The following OPCML variants were observed in gnomAD, a reference collection of about 807,000 sequenced individuals.
The protein encoded by OPCML is opioid binding protein/cell adhesion molecule like.
A neutral mutation model predicts 37.8 loss-of-function variants in OPCML; 13 were observed. That is an observed-to-expected ratio of 0.34 (90% CI 0.22 to 0.55). The LOEUF (loss-of-function observed/expected upper bound fraction) is 0.55, where lower values mean the gene tolerates loss of function less well. Ranked by LOEUF, OPCML falls within the 20% of genes least tolerant of loss-of-function variation. The probability of loss-of-function intolerance (pLI) is 0.91; values close to 1 mark genes in which losing one functional copy is unlikely to be tolerated. For synonymous variants in OPCML, 176 were observed against 168.8 expected, an observed-to-expected ratio of 1.04 and a Z score of -0.33; for missense variants, 341 against 435.6, an observed-to-expected ratio of 0.78 and a Z score of 1.93.
intron 1 of OPCML, among the ~76,000 whole-genome samples, chr11:133,356,243 C>T (rs1226024389): frequency 1.3e-5 from 2 of 152,112 alleles, no homozygotes; most frequent in South Asian, 4.2e-4. Flanking sequence ...CTTTAAAGTG[C>T]CCAGGTTGGA....
chr11:133,440,659 A>G (rs1229318951), intron 1 of OPCML, among the ~76,000 whole-genome samples: 10 of 149,986 alleles, frequency 6.7e-5, no homozygotes, highest in Non-Finnish European at 1.0e-4. Flanking sequence ...CCCAGGAGGC[A>G]GAGGTTGCAA....
intron 4 of OPCML, among the ~76,000 whole-genome samples, chr11:132,459,160 C>G (rs1025863801): frequency 6.6e-6 from 1 of 152,102 alleles, no homozygotes; most frequent in Non-Finnish European, 1.5e-5. Flanking sequence ...CAGGCTGGAA[C>G]AGGAACCCGC....
At chr11:132,799,176 T>C (rs890404238) in intron 2 of OPCML, among the ~76,000 whole-genome samples, 5 of 152,202 alleles carry the variant, frequency 3.3e-5, no homozygotes, top group African/African-American at 1.2e-4. Flanking sequence ...AAGTCCTACA[T>C]GGCATCTTCT....
At chr11:132,641,747 G>T (rs1186444546) in intron 3 of OPCML, among the ~76,000 whole-genome samples, 1 of 152,130 alleles carries the variant, frequency 6.6e-6, no homozygotes, top group African/African-American at 2.4e-5. Flanking sequence ...TTTTTTAAAG[G>T]AACTTTGATT....
rs988216174 is a variant in OPCML at position 133,056,118 on chromosome 11, T to C, written c.62-113108A>G. Among the ~76,000 whole-genome samples, 6 of 152,302 alleles carry C rather than the reference T, an allele frequency of 3.9e-5. No homozygotes were observed. In the East Asian group the frequency reaches 5.8e-4, roughly 15 times the overall value. ...ACTCAAAAGGCCCAGTTATCATGGA[T>C]TGGGAGGAAGGGAAGCAAAACAAAC... On this transcript the variant is annotated intron_variant, in intron 1 of 7. Transcript: ENST00000524381.
intron 1 of OPCML, among the ~76,000 whole-genome samples, chr11:133,443,916 C>G (rs1946416883): frequency 1.3e-5 from 2 of 152,060 alleles, no homozygotes; most frequent in Non-Finnish European, 2.9e-5. Flanking sequence ...CAAGACCAAT[C>G]TGGGCAACAT....
chr11:133,483,674 TGATAGATAGATAGATAGATA>T (rs141632251), intron 1 of OPCML, among the ~76,000 whole-genome samples: 1,946 of 146,102 alleles, frequency 0.013, 16 homozygotes, highest in South Asian at 0.037. Flanking sequence ...GATAAATAGA[TGATAGATAGATAGATAGATA>T]GATAGATAGA....
chr11:132,446,312 G>A (rs2096055018), intron 4 of OPCML, among the ~76,000 whole-genome samples: 5 of 144,360 alleles, frequency 3.5e-5, no homozygotes, highest in Admixed American at 3.4e-4. Context: ...AGGAAGAGAG[G>A]AGCTAGACAG....
intron 3 of OPCML, among the ~76,000 whole-genome samples, chr11:132,570,755 G>GTATATA (rs71477765): frequency 0.048 from 1,440 of 30,034 alleles, 120 homozygotes; most frequent in Non-Finnish European, 0.059. Context: ...AGGAAAGAGA[G>GTATATA]TATATATATA....
chr11:132,748,600 G>A (rs972742518), intron 2 of OPCML, among the ~76,000 whole-genome samples: 3 of 152,206 alleles, frequency 2.0e-5, no homozygotes, highest in South Asian at 2.1e-4. Context: ...GAAGGTGAGC[G>A]CTGGCTGGAG....
chr11:133,041,417 T>C (rs952518244), intron 1 of OPCML, among the ~76,000 whole-genome samples: 1 of 152,302 alleles, frequency 6.6e-6, no homozygotes, highest in African/African-American at 2.4e-5. Flanking sequence ...TGCCTCTCTT[T>C]CCGCTGTAGT....
chr11:132,854,257 G>T (rs1366732743), intron 2 of OPCML, among the ~76,000 whole-genome samples: 1 of 152,194 alleles, frequency 6.6e-6, no homozygotes, highest in Non-Finnish European at 1.5e-5. Flanking sequence ...AAGTGCCAGA[G>T]CTTCTGGCCC....
intron 4 of OPCML, among the ~76,000 whole-genome samples, chr11:132,454,045 T>C (rs1418445295): frequency 6.6e-6 from 1 of 152,200 alleles, no homozygotes; most frequent in South Asian, 2.1e-4. Context: ...TCTATATGAT[T>C]AGCAAGGGAA....
chr11:132,712,761 T>C (rs1944319884), intron 2 of OPCML, among the ~76,000 whole-genome samples: 1 of 152,232 alleles, frequency 6.6e-6, no homozygotes, highest in Non-Finnish European at 1.5e-5. Context: ...TGGCAAGGTT[T>C]CCAGTTTTGA....
At chr11:133,084,120 C>T (rs1196507427) in intron 1 of OPCML, among the ~76,000 whole-genome samples, 2 of 152,062 alleles carry the variant, frequency 1.3e-5, no homozygotes, top group Non-Finnish European at 2.9e-5. Context: ...TACCTACCCA[C>T]AGAAAAGATC....
At chr11:132,569,689 G>A (rs61906381) in intron 3 of OPCML, among the ~76,000 whole-genome samples, 14,012 of 152,132 alleles carry the variant, frequency 0.092, 807 homozygotes, top group African/African-American at 0.16. Flanking sequence ...GAGGAAATTT[G>A]TAGGCTGTCA....
At chr11:133,185,882 G>A (rs933649695) in intron 1 of OPCML, among the ~76,000 whole-genome samples, 1 of 152,056 alleles carries the variant, frequency 6.6e-6, no homozygotes, top group African/African-American at 2.4e-5. Flanking sequence ...AAAGCATGAG[G>A]TATGATGATG....
intron 2 of OPCML, among the ~76,000 whole-genome samples, chr11:132,823,154 A>G (rs1036862758): frequency 4.6e-5 from 7 of 152,166 alleles, no homozygotes; most frequent in Non-Finnish European, 1.0e-4. Flanking sequence ...CCATCCTGCT[A>G]TAATTTCCTA....
intron 1 of OPCML, among the ~76,000 whole-genome samples, chr11:133,413,409 C>A (rs1945692140): frequency 6.6e-6 from 1 of 151,748 alleles, no homozygotes; most frequent in Admixed American, 6.6e-5. Flanking sequence ...AGCACACCAG[C>A]ATGGCACATG....
Sources: allele counts gnomAD v4.1 joint callset (sites outside exome capture counted in the v4.1 genomes callset), GRCh38; gene constraint gnomAD v4.1.1; transcripts MANE v1.5; gene names NCBI Gene and HGNC (gene_info 2026-07-23, HGNC 2026-07-21).